Variants in CARMIL1 observed in about 807,000 individuals in gnomAD.
The protein encoded by CARMIL1 is capping protein regulator and myosin 1 linker 1.
A neutral mutation model predicts 177.1 loss-of-function variants in CARMIL1; 90 were observed. The ratio of observed to expected loss-of-function variants is 0.51; its 90% CI spans 0.43 to 0.61. CARMIL1 has a LOEUF of 0.61. CARMIL1 is among the 20% of genes least tolerant of loss of function. The pLI is 0.00. For synonymous variants in CARMIL1, 577 were observed against 606.2 expected, an observed-to-expected ratio of 0.95 and a Z score of 0.71; for missense variants, 1,380 against 1,667.0, an observed-to-expected ratio of 0.83 and a Z score of 3.00.
chr6:25,542,976 A>G (rs1015878331), intron 26 of CARMIL1, among the ~76,000 whole-genome samples: 6 of 152,294 alleles, frequency 3.9e-5, no homozygotes, highest in Non-Finnish European at 8.8e-5. Flanking sequence ...TGTTTCCCAC[A>G]TTCTCTAAAA....
chr6:25,596,087 C>A (rs563284752), intron 32 of CARMIL1, among the ~76,000 whole-genome samples: 1 of 152,094 alleles, frequency 6.6e-6, no homozygotes, highest in Non-Finnish European at 1.5e-5. Context: ...TATTGTTATA[C>A]CCGTCCCAGT....
At chr6:25,401,085 A>G (rs1355590552) in intron 2 of CARMIL1, among the ~76,000 whole-genome samples, 1 of 152,192 alleles carries the variant, frequency 6.6e-6, no homozygotes, top group Non-Finnish European at 1.5e-5. Flanking sequence ...ATCTCCATAT[A>G]TAATATATTT....
chr6:25,516,507 A>G (rs769888575), intron 21 of CARMIL1, among the ~76,000 whole-genome samples: 48 of 152,176 alleles, frequency 3.2e-4, no homozygotes, highest in African/African-American at 1.7e-4. Flanking sequence ...ATGTTTTTCT[A>G]TTCTCCGGCA....
intron 26 of CARMIL1, among the ~76,000 whole-genome samples, chr6:25,548,822 G>C (rs454095): frequency 0.48 from 72,443 of 151,968 alleles, 17,714 homozygotes; most frequent in African/African-American, 0.58. Flanking sequence ...AGACCTGAGT[G>C]CCCATCTCAC....
intron 31 of CARMIL1, among the ~76,000 whole-genome samples, chr6:25,583,597 A>G (rs1431726396): frequency 1.3e-5 from 2 of 152,076 alleles, no homozygotes; most frequent in Admixed American, 6.6e-5. Context: ...CTGGTTGATC[A>G]TTTCCTCACT....
intron 17 of CARMIL1, among the ~76,000 whole-genome samples, chr6:25,501,101 A>G (rs1234258337): frequency 6.6e-6 from 1 of 152,042 alleles, no homozygotes; most frequent in African/African-American, 2.4e-5. Context: ...GACTTTTGCT[A>G]TCTTGAAACT....
intron 7 of CARMIL1, 114 bp downstream of exon 7, chr6:25,450,523 C>A: frequency 1.8e-6 from 2 of 1,112,554 alleles, no homozygotes; most frequent in Non-Finnish European, 2.6e-6. Context: ...TTAAAATCTT[C>A]ACTTCTCAGA....
rs775436350 is a variant in CARMIL1 at position 25,520,325 on chromosome 6, C to T, written c.1956C>T (p.Asp652=). The part of the protein sequence containing the change: ...ALKTNPEKTE[D]ALQKIENYLL... ...AAACAAACCCTGAAAAAACAGAAGA[C>T]GCTCTGCAAAAGGTATTAAAGAATC... Residue 652 remains aspartate, a synonymous_variant, in exon 23 of 37, where the codon GAC becomes GAT. Coordinates refer to ENST00000329474, the MANE Select transcript of CARMIL1 (RefSeq NM_017640.6). 2.4e-5 allele frequency: 37 copies of T among 1,540,764 alleles called. No individual in the cohort carries two copies. Among genetic ancestry groups the T allele is most frequent in the African/African-American group, 1.9e-4 (14 of 72,774 alleles).
chr6:25,480,517 C>T (rs918146226), intron 11 of CARMIL1, among the ~76,000 whole-genome samples: 10 of 151,272 alleles, frequency 6.6e-5, no homozygotes, highest in African/African-American at 2.4e-4. Context: ...CTTTTACGTT[C>T]ACTTCTGAAT....
intron 29 of CARMIL1, among the ~76,000 whole-genome samples, chr6:25,565,518 T>C (rs1811478806): frequency 6.6e-6 from 1 of 152,228 alleles, no homozygotes; most frequent in Admixed American, 6.5e-5. Context: ...TCTATCAGCA[T>C]TGTTCTTTTT....
At chr6:25,302,298 T>C (rs1782916789) in intron 2 of CARMIL1, among the ~76,000 whole-genome samples, 1 of 152,224 alleles carries the variant, frequency 6.6e-6, no homozygotes, top group Admixed American at 6.5e-5. Flanking sequence ...TGAGTGAAGA[T>C]ACAGAATACT....
chr6:25,290,979 TATTA>T (rs1781915024), intron 2 of CARMIL1, among the ~76,000 whole-genome samples: 1 of 152,150 alleles, frequency 6.6e-6, no homozygotes, highest in South Asian at 2.1e-4. Context: ...TAAATTTTTT[TATTA>T]ATTAATTTTT....
In CARMIL1 at chr6:25,495,119, A is replaced by G; in HGVS notation, c.1229A>G (p.Lys410Arg). 1 of 1,608,988 alleles carries G rather than the reference A, an allele frequency of 6.2e-7. No homozygotes were observed. The highest frequency in any genetic ancestry group is 8.5e-7 in the Non-Finnish European group (1 of 1,176,312). The change falls in exon 16 of 37, where the codon AAA becomes AGA. Residue 410 changes from lysine (K) to arginine (R), a missense_variant. By Grantham distance (26) the Lys-to-Arg change is conservative. Coordinates refer to ENST00000329474, the MANE Select transcript of CARMIL1 (RefSeq NM_017640.6). ...SRTVFSHRKG[K>R]EVPPSFKQFF... is the part of the protein sequence containing the mutation. ...TCTTGTGTTTTTTTCAGGAAAGGAAAAGAAGTACCTCCATCTTTCAAGCAA... is the reference window on the plus strand; with the variant it reads ...TCTTGTGTTTTTTTCAGGAAAGGAAGAGAAGTACCTCCATCTTTCAAGCAA...
intron 25 of CARMIL1, among the ~76,000 whole-genome samples, chr6:25,539,069 C>T (rs1007674257): frequency 6.6e-6 from 1 of 152,032 alleles, no homozygotes; most frequent in Non-Finnish European, 1.5e-5. Flanking sequence ...TTTGGCTCCT[C>T]CTGAGCTGTA....
chr6:25,345,200 ACAGT>A (rs1427569296), intron 2 of CARMIL1, among the ~76,000 whole-genome samples: 5 of 152,094 alleles, frequency 3.3e-5, no homozygotes, highest in African/African-American at 9.7e-5. Context: ...GCAGCATTTA[ACAGT>A]CAGTAAGTCC....
chr6:25,438,943 G>A (rs138930430), intron 5 of CARMIL1, among the ~76,000 whole-genome samples: 439 of 152,206 alleles, frequency 2.9e-3, no homozygotes, highest in Non-Finnish European at 3.6e-3. Flanking sequence ...AGTAATCTAG[G>A]CAAGAGATGA....
At chr6:25,618,012 G>A (rs1013099758) in intron 36 of CARMIL1, among the ~76,000 whole-genome samples, 3 of 152,142 alleles carry the variant, frequency 2.0e-5, no homozygotes, top group Non-Finnish European at 4.4e-5. Context: ...CACAATTTAA[G>A]AAATTACGTA....
In CARMIL1 at chr6:25,297,839, A is replaced by AGTAG. The variant is rs1255405870; in HGVS notation, c.138+12932_138+12935dup. On this transcript the variant is annotated intron_variant, in intron 2 of 36. Transcript: ENST00000329474. ...AGTAGCCAACTTCTTTATTCATCAGAGTAGGGCTTTACATTTTAATATTCT... is the reference window on the plus strand; with the variant it reads ...AGTAGCCAACTTCTTTATTCATCAGAGTAGGTAGGGCTTTACATTTTAATATTCT... Among the ~76,000 whole-genome samples, 3 of 152,202 alleles carry AGTAG rather than the reference A, an allele frequency of 2.0e-5. 1 individual carries two copies. Among genetic ancestry groups the AGTAG allele is most frequent in the Non-Finnish European group, 4.4e-5 (3 of 68,048 alleles).
chr6:25,494,010 A>G (rs943408671), intron 15 of CARMIL1, among the ~76,000 whole-genome samples: 5 of 151,502 alleles, frequency 3.3e-5, no homozygotes, highest in Non-Finnish European at 7.4e-5. Flanking sequence ...ATAGTCTTCA[A>G]TTGTCCTGTT....
Sources: gnomAD v4.1 joint callset for allele counts (sites outside exome capture counted in the v4.1 genomes callset) on GRCh38, gnomAD v4.1.1 for gene constraint, MANE v1.5 for transcripts, NCBI Gene and HGNC (gene_info 2026-07-23, HGNC 2026-07-21) for gene names.